Variants in MDGA1 observed in about 807,000 individuals in gnomAD.
MDGA1 encodes the protein MAM domain containing glycosylphosphatidylinositol anchor 1.
In MDGA1, 54 loss-of-function variants were observed where a neutral mutation model predicts 101.5. The ratio of observed to expected loss-of-function variants is 0.53; its 90% confidence interval spans 0.43 to 0.67. MDGA1 has a LOEUF of 0.67. Ranked by LOEUF, MDGA1 falls within the 30% of genes least tolerant of loss-of-function variation. The pLI is 0.00. For missense variants in MDGA1, 1,083 were observed against 1,323.8 expected (o/e 0.82, Z 2.82); for synonymous variants, 533 against 558.3 (o/e 0.95, Z 0.64).
intron 1 of MDGA1, among the ~76,000 whole-genome samples, chr6:37,664,906 C>CACACACACACAT (rs1761712840): frequency 6.8e-6 from 1 of 147,590 alleles, no homozygotes; most frequent in Non-Finnish European, 1.5e-5. Flanking sequence ...CACACACACA[C>CACACACACACAT]GGCTGCACAT....
At position 37,635,462 on chromosome 6, in the gene MDGA1, A is replaced by C. The variant is rs937390386; in HGVS notation, c.*1906T>G. 9.8e-5 allele frequency: 39 copies of C among 398,726 alleles called. No homozygotes were observed. Among genetic ancestry groups the C allele is most frequent in the African/African-American group, 7.4e-4 (36 of 48,750 alleles). The allele number at this position is 398,726 out of a possible 1,614,324, so 24.7% of individuals were successfully genotyped here. A position where few individuals can be genotyped will look rare whatever the true frequency, so the allele number is the denominator to read the frequency against. ...GTATGCTGAGAACCTGGAGCGACTC[A>C]TTTCAGACAGAGGCCTTGACTGGGT... On this transcript the variant is annotated 3_prime_UTR_variant, in exon 17 of 17. Coordinates refer to ENST00000434837, the MANE Select transcript of MDGA1 (RefSeq NM_153487.4).
intron 1 of MDGA1, among the ~76,000 whole-genome samples, chr6:37,670,603 T>C (rs1761848063): frequency 6.6e-6 from 1 of 152,218 alleles, no homozygotes; most frequent in African/African-American, 2.4e-5. Context: ...CAGTATGCAA[T>C]CTAAAAATGT....
rs200140819 is a variant in MDGA1, at chr6:37,657,035, CT to C, written c.383-1140del. Among the ~76,000 whole-genome samples, 808 of 152,206 alleles carry C rather than the reference CT, an allele frequency of 5.3e-3. 2 individuals are homozygous for C. The highest frequency in any genetic ancestry group is 6.3e-3 in the Non-Finnish European group (430 of 68,008). ...TTGACTGGGAGGGGGCATGAAGGAA[CT>C]TTCTAGAGTCCTGGAAATGTTCTAT... On this transcript the variant is annotated intron_variant, in intron 3 of 16. Coordinates refer to ENST00000434837, the MANE Select transcript of MDGA1 (RefSeq NM_153487.4).
Position 37,638,407 on chromosome 6 carries a change from C to T in MDGA1, c.2668-94G>A, listed in dbSNP as rs1261089198. 1 of 1,520,378 alleles carries T rather than the reference C, an allele frequency of 6.6e-7. No homozygotes were observed. Among genetic ancestry groups the T allele is most frequent in the East Asian group, 2.3e-5 (1 of 44,128 alleles). 94.2% of individuals were successfully genotyped at this position (1,520,378 alleles called of 1,614,324 possible). ...GACCCCACCTTTCCCCTTAATCTAC[C>T]TGGAAGTTCCCCCTAACCTGACTCT... On this transcript the variant is annotated intron_variant, in intron 15 of 16. Transcript: ENST00000434837. This position sits in a 1 kb window ranked among gnomAD's most constrained non-coding sequence, Gnocchi z 4.8.
rs759363978 is a variant in MDGA1 at position 37,655,784 on chromosome 6, G to A, written c.495C>T (p.Ala165=). The A allele has an allele frequency of 3.6e-5, 58 of 1,613,562 alleles. No homozygotes were observed. The South Asian group carries it at 6.4e-4, about 18-fold the overall frequency. ...LRCTVNSNPP[A]RFIWKRGSDT... is the part of the protein sequence containing the mutation. ...CGGAACCCCGCTTCCAGATGAAGCG[G>A]GCAGGCGGGTTGGAGTTGACAGTAC... The change falls in exon 4 of 17, where the codon GCC becomes GCT. Residue 165 remains alanine, a synonymous_variant. Transcript: ENST00000434837. The surrounding 1 kb of genome is among the most constrained non-coding windows in gnomAD (Gnocchi z 5.1).
chr6:37,643,679 A>G (rs373053775), intron 14 of MDGA1, 130 bp downstream of exon 14: 2 of 1,306,652 alleles, frequency 1.5e-6, no homozygotes, highest in African/African-American at 1.5e-5. Flanking sequence ...GACCCGTCCA[A>G]GGACCTCTCA....
chr6:37,649,003 C>T lies in MDGA1; in HGVS notation c.1873G>A (p.Ala625Thr). ...TCACCGGAGACCTGGAAGAGGCAGG[C>T]AGCCGAGCCCACATCGTTGGAGACG... ...CSVSNDVGSAACLFQVSAKAY... is the reference protein window; with the variant it reads ...CSVSNDVGSATCLFQVSAKAY... The change falls in exon 9 of 17, where the codon GCC (alanine) becomes ACC (threonine). Residue 625 changes from alanine (A) to threonine (T), a missense_variant. Around this residue, in one of 3 missense-constraint regions of MDGA1, gnomAD observed 657 missense variants for 771.4 expected, o/e 0.85. Transcript: ENST00000434837. 6.4e-7 allele frequency: 1 copy of T among 1,552,332 alleles called. No homozygotes were observed. The highest frequency in any genetic ancestry group is 8.7e-7 in the Non-Finnish European group (1 of 1,149,592).
In MDGA1 at chr6:37,657,064, C is replaced by T. The variant is rs184273232; in HGVS notation, c.383-1168G>A. Among the ~76,000 whole-genome samples, 36 of 152,268 alleles carry T rather than the reference C, an allele frequency of 2.4e-4. 2 individuals carry two copies. The highest frequency in any genetic ancestry group is 8.7e-4 in the African/African-American group (36 of 41,556). ...CTAGAGTCCTGGAAATGTTCTATCT[C>T]TTGAACTGGAAGTTGTTTACACACA... On this transcript the variant is annotated intron_variant, in intron 3 of 16. Coordinates refer to ENST00000434837, the MANE Select transcript of MDGA1 (RefSeq NM_153487.4).
intron 1 of MDGA1, among the ~76,000 whole-genome samples, chr6:37,668,403 G>GGTAT (rs1363983494): frequency 1.3e-5 from 2 of 152,064 alleles, no homozygotes; most frequent in Non-Finnish European, 2.9e-5. Context: ...TTCACTCCTG[G>GGTAT]GTATGTACCC....
intron 1 of MDGA1, among the ~76,000 whole-genome samples, chr6:37,672,902 G>A (rs572482014): frequency 7.5e-5 from 11 of 145,780 alleles, no homozygotes; most frequent in African/African-American, 2.7e-4. Flanking sequence ...AGCAGGGAGG[G>A]ATTGCTGTGA....
intron 1 of MDGA1, among the ~76,000 whole-genome samples, chr6:37,691,545 G>T (rs11962343): frequency 0.022 from 3,352 of 152,182 alleles, 121 homozygotes; most frequent in African/African-American, 0.076. Flanking sequence ...TATCAAGTGA[G>T]GTTTACTTTC....
Position 37,649,070 on chromosome 6 carries a change from G to A in MDGA1, c.1806C>T (p.Leu602=), listed in dbSNP as rs142960358. ...AEAPDHAELR[L]DAVTRDSSGS... ...CGCTGCTGTCGCGAGTTACGGCGTC[G>A]AGGCGCAGCTCCGCGTGATCCGGCG... Residue 602 remains leucine, a synonymous_variant, in exon 9 of 17, where the codon CTC becomes CTT. Transcript: ENST00000434837. 4 of 1,541,656 alleles carry A rather than the reference G, an allele frequency of 2.6e-6. No homozygotes were observed. In the East Asian group the frequency reaches 7.5e-5, roughly 29 times the overall value.
chr6:37,638,159 C>G lies in MDGA1; in HGVS notation c.2776+46G>C. Reference sequence around the variant, plus strand: ...AACAGACAGGAACCCCCGCCACGCACAGCTCCCTCCAGATTCAGCTCCCCC... The same window carrying G: ...AACAGACAGGAACCCCCGCCACGCAGAGCTCCCTCCAGATTCAGCTCCCCC... On this transcript the variant is annotated intron_variant, in intron 16 of 16. Transcript: ENST00000434837. This position sits in a 1 kb window ranked among gnomAD's most constrained non-coding sequence, Gnocchi z 4.8. The G allele has an allele frequency of 6.5e-7, 1 of 1,534,750 alleles. No individual in the cohort carries two copies. Among genetic ancestry groups the G allele is most frequent in the African/African-American group, 1.4e-5 (1 of 73,482 alleles).
At chr6:37,671,562 C>T (rs1049393997) in intron 1 of MDGA1, among the ~76,000 whole-genome samples, 1 of 152,100 alleles carries the variant, frequency 6.6e-6, no homozygotes, top group South Asian at 2.1e-4. Flanking sequence ...CTTTTCCTCC[C>T]CAAAAATTAT....
At chr6:37,695,342 G>A (rs953608476) in intron 1 of MDGA1, among the ~76,000 whole-genome samples, 3 of 152,288 alleles carry the variant, frequency 2.0e-5, no homozygotes, top group South Asian at 2.1e-4. Flanking sequence ...TACCTGCCCC[G>A]TGGCCTCCTC....
rs954716887 is a variant in MDGA1, at chr6:37,646,444, G to T, written c.2047-69C>A. On this transcript the variant is annotated intron_variant, in intron 10 of 16. Coordinates refer to ENST00000434837, the MANE Select transcript of MDGA1 (RefSeq NM_153487.4). Reference sequence around the variant, plus strand: ...CTCAGTTTCCTCATCTGTGAGACAGGACAATCACCCCTTCCGTGCCCACCT... The same window carrying T: ...CTCAGTTTCCTCATCTGTGAGACAGTACAATCACCCCTTCCGTGCCCACCT... The T allele has an allele frequency of 1.3e-5, 18 of 1,344,884 alleles. No homozygotes were observed. The African/African-American group carries it at 2.6e-4, about 20-fold the overall frequency. The allele number at this position is 1,344,884 out of a possible 1,614,324, so 83.3% of individuals were successfully genotyped here. A position where few individuals can be genotyped will look rare whatever the true frequency, so the allele number is the denominator to read the frequency against.
At position 37,696,834 on chromosome 6, in the gene MDGA1, C is replaced by G; in HGVS notation, c.-23G>C. The G allele has an allele frequency of 3.2e-6, 5 of 1,557,240 alleles. No homozygotes were observed. Among genetic ancestry groups the G allele is most frequent in the Non-Finnish European group, 2.6e-6 (3 of 1,150,024 alleles). On this transcript the variant is annotated 5_prime_UTR_variant, in exon 1 of 17. Transcript: ENST00000434837. The surrounding 1 kb of genome is among the most constrained non-coding windows in gnomAD (Gnocchi z 5.6). ...CATCTTCACGGCCGGTGCTTCATCC[C>G]CGCGAGGCGGCGCAGCCCGAGAGGC...
rs1475701723 is a variant in MDGA1 at position 37,634,149 on chromosome 6, A to G, written c.*3219T>C. 1 of 152,664 alleles carries G rather than the reference A, an allele frequency of 6.6e-6. No homozygotes were observed. The highest frequency in any genetic ancestry group is 1.5e-5 in the Non-Finnish European group (1 of 68,090). 9.5% of individuals were successfully genotyped at this position (152,664 alleles called of 1,614,324 possible). Reference sequence around the variant, plus strand: ...CCAAGGGCAGGATAGCCCAGCTGAGACTTCCATAAGCTGCTATACAGCACC... The same window carrying G: ...CCAAGGGCAGGATAGCCCAGCTGAGGCTTCCATAAGCTGCTATACAGCACC... On this transcript the variant is annotated 3_prime_UTR_variant, in exon 17 of 17. Coordinates refer to ENST00000434837, the MANE Select transcript of MDGA1 (RefSeq NM_153487.4). The surrounding 1 kb of genome is among the most constrained non-coding windows in gnomAD (Gnocchi z 4.7).
At chr6:37,682,302 T>A (rs1034815724) in intron 1 of MDGA1, among the ~76,000 whole-genome samples, 2 of 152,110 alleles carry the variant, frequency 1.3e-5, no homozygotes, top group Non-Finnish European at 2.9e-5. Flanking sequence ...CTGGCCAACA[T>A]AGCGAAACCC....
Sources: allele counts gnomAD v4.1 joint callset (sites outside exome capture counted in the v4.1 genomes callset), GRCh38; gene constraint gnomAD v4.1.1; regional missense constraint gnomAD v4.1.1; non-coding constraint Gnocchi (gnomAD v3.1); transcripts MANE v1.5; gene names NCBI Gene and HGNC (gene_info 2026-07-23, HGNC 2026-07-21).